The following NOP2 variants were observed in gnomAD, a reference collection of about 807,000 sequenced individuals.
NOP2 encodes the protein NOP2 nucleolar protein.
NOP2 carries 7 observed loss-of-function variants against 72.7 expected under a neutral mutation model. The observed-to-expected ratio is 0.10, with a 90% CI of 0.05 to 0.18. The LOEUF (loss-of-function observed/expected upper bound fraction) is 0.18. Ranked by LOEUF, NOP2 falls within the 10% of genes least tolerant of loss-of-function variation. The pLI, the probability that NOP2 is intolerant of heterozygous loss-of-function variation, is 1.00. For missense variants in NOP2, 954 were observed against 1,014.7 expected (o/e 0.94, Z 0.81); for synonymous variants, 387 against 388.0 (o/e 1.00, Z 0.03).
chr12:6,563,067 A>T lies in NOP2; in HGVS notation c.978+14T>A. 1 of 1,569,514 alleles carries T rather than the reference A, an allele frequency of 6.4e-7. No homozygotes were observed. The highest frequency in any genetic ancestry group is 8.6e-7 in the Non-Finnish European group (1 of 1,157,106). On this transcript the variant is annotated intron_variant, in intron 9 of 15. Coordinates refer to ENST00000322166, the MANE Select transcript of NOP2 (RefSeq NM_001258308.2). The stretch of plus-strand genomic sequence containing the variant: ...CCCTTCTGAGATGAGTGAGCCTCAA[A>T]GGCCACCCCTCACCTGTGCAAGGTC...
Position 6,557,194 on chromosome 12 carries a change from A to G in NOP2, c.2238T>C (p.His746=). 1.2e-6 allele frequency: 2 copies of G among 1,613,904 alleles called. No individual in the cohort carries two copies. The highest frequency in any genetic ancestry group is 1.7e-6 in the Non-Finnish European group (2 of 1,179,864). Residue 746 remains histidine, a synonymous_variant, in exon 16 of 16, where the codon CAT becomes CAC. Transcript: ENST00000322166. Reference sequence around the variant, plus strand: ...CCCCCTTGGCCCTTCCAAGGGGCTGATGATGGTCCTTAGGTTTCAGGGTGG... The same window carrying G: ...CCCCCTTGGCCCTTCCAAGGGGCTGGTGATGGTCCTTAGGTTTCAGGGTGG... The part of the protein sequence containing the change: ...TQATLKPKDH[H]QPLGRAKGVE...
rs1467581243 is a variant in NOP2, at chr12:6,558,646, G to A, written c.1790-1004C>T. On this transcript the variant is annotated intron_variant, in intron 15 of 15. Coordinates refer to ENST00000322166, the MANE Select transcript of NOP2 (RefSeq NM_001258308.2). The stretch of plus-strand genomic sequence containing the variant: ...TTTTTTTGAGGTAGAGTCTCACTGT[G>A]TTGCCCAGGCTGGAGTACAGTGGTG... Among the ~76,000 whole-genome samples, 5 of 145,210 alleles carry A rather than the reference G, an allele frequency of 3.4e-5. No homozygotes were observed. The East Asian group carries it at 8.0e-4, about 23-fold the overall frequency.
chr12:6,561,301 A>G (rs1947643356), intron 11 of NOP2, among the ~76,000 whole-genome samples: 1 of 152,226 alleles, frequency 6.6e-6, no homozygotes, highest in Admixed American at 6.5e-5. Flanking sequence ...GGTCCTACAT[A>G]CTAAATTACT....
chr12:6,562,278 A>G (rs1277492875), intron 9 of NOP2, among the ~76,000 whole-genome samples: 1 of 152,106 alleles, frequency 6.6e-6, no homozygotes, highest in Non-Finnish European at 1.5e-5. Context: ...GCGTTGAGTC[A>G]CCGCGCCCGG....
At chr12:6,566,863 G>A in intron 2 of NOP2, 41 bp from the exon 3 acceptor site, 1 of 1,539,466 alleles carries the variant, frequency 6.5e-7, no homozygotes. Context: ...AGTTACAGGG[G>A]ACATTAAAAA....
intron 15 of NOP2, 58 bp from the exon 16 acceptor site, chr12:6,557,700 TA>T: frequency 6.7e-7 from 1 of 1,485,050 alleles, no homozygotes; most frequent in Non-Finnish European, 9.0e-7. Context: ...CATATTTTAA[TA>T]TTCTCATATT....
intron 2 of NOP2, 162 bp downstream of exon 2, chr12:6,567,654 G>T: frequency 1.7e-6 from 1 of 592,688 alleles, no homozygotes; most frequent in South Asian, 2.2e-5. Context: ...GACCTAAACA[G>T]TTCCCTACAA....
At chr12:6,557,892 C>A in intron 15 of NOP2, 1 of 475,312 alleles carries the variant, frequency 2.1e-6, no homozygotes, top group Non-Finnish European at 3.7e-6. Flanking sequence ...CCTGTAATTC[C>A]AGCACTTTGG....
At chr12:6,566,897 G>C in intron 2 of NOP2, 75 bp from the exon 3 acceptor site, 1 of 1,234,752 alleles carries the variant, frequency 8.1e-7, no homozygotes, top group Non-Finnish European at 1.2e-6. Flanking sequence ...AAATAAACAT[G>C]GTAAGAGAAT....
rs760618344 is a variant in NOP2, at chr12:6,557,119, C to G, written c.2313G>C (p.Gln771His). The change falls in exon 16 of 16, where the codon CAG (glutamine) becomes CAC (histidine). Residue 771 changes from glutamine (Q) to histidine (H), a missense_variant. Gln to His is a conservative substitution (Grantham distance 24, BLOSUM62 0). Coordinates refer to ENST00000322166, the MANE Select transcript of NOP2 (RefSeq NM_001258308.2). ...PEQPFEKAAF[Q>H]KQNDTPKGPQ... ...GCCCCTTGGGGGTATCATTCTGTTT[C>G]TGGAAGGCAGCTTTCTCAAAAGGCT... The G allele has an allele frequency of 6.2e-7, 1 of 1,613,880 alleles. No homozygotes were observed.
rs368375855 is a variant in NOP2 at position 6,563,141 on chromosome 12, C to T, written c.918G>A (p.Val306=). ...ELVEFLEANE[V]PRPVTLRTNT... ...TGGTCCGGAGGGTGACGGGCCGAGG[C>T]ACCTCATTAGCTTCTAAGAACTCCA... Residue 306 remains valine, a synonymous_variant, in exon 9 of 16, where the codon GTG becomes GTA. Transcript: ENST00000322166. 1.9e-6 allele frequency: 3 copies of T among 1,596,854 alleles called. No individual in the cohort carries two copies. Among genetic ancestry groups the T allele is most frequent in the Non-Finnish European group, 2.6e-6 (3 of 1,171,964 alleles).
intron 15 of NOP2, chr12:6,557,918 G>A: frequency 2.3e-6 from 1 of 426,508 alleles, no homozygotes; most frequent in South Asian, 2.3e-5. Context: ...CAAGGCAAGT[G>A]GATTGCTTGA....
chr12:6,566,417 C>T, intron 4 of NOP2, 81 bp from the exon 5 acceptor site: 8 of 1,493,956 alleles, frequency 5.4e-6, no homozygotes, highest in Non-Finnish European at 7.4e-6. Flanking sequence ...CTTTCTACCC[C>T]TCAGAATGTC....
chr12:6,567,932 G>A lies in NOP2; in HGVS notation c.-4-10C>T, dbSNP rs757080207. On this transcript the variant is annotated splice_polypyrimidine_tract_variant and intron_variant, in intron 1 of 15. Transcript: ENST00000322166. ...CTTGCGCCCCATGGTACTGTGGCAG[G>A]CAGAAATGGGAGAAGGTGGCGTCGC... The A allele has an allele frequency of 1.0e-5, 16 of 1,604,722 alleles. No homozygotes were observed. Among genetic ancestry groups the A allele is most frequent in the Non-Finnish European group, 1.4e-5 (16 of 1,172,726 alleles).
In NOP2 at chr12:6,557,171, C is replaced by T; in HGVS notation, c.2261G>A (p.Gly754Glu). 1 of 1,614,004 alleles carries T rather than the reference C, an allele frequency of 6.2e-7. No homozygotes were observed. The highest frequency in any genetic ancestry group is 8.5e-7 in the Non-Finnish European group (1 of 1,179,894). Residue 754 changes from glycine to glutamate, a missense_variant, in exon 16 of 16, where the codon GGG (glycine) becomes GAG (glutamate). Physicochemically the swap from Gly to Glu is moderately conservative, Grantham distance 98. Around this residue, in one of 3 missense-constraint regions of NOP2, gnomAD observed 269 missense variants for 260.2 expected, o/e 1.03. Coordinates refer to ENST00000322166, the MANE Select transcript of NOP2 (RefSeq NM_001258308.2). ...CTCTGGCAACTGCTGCTTCTCAACC[C>T]CCTTGGCCCTTCCAAGGGGCTGATG... The part of the protein sequence containing the change: ...DHHQPLGRAK[G>E]VEKQQLPEQP...
chr12:6,557,491 G>A lies in NOP2; in HGVS notation c.1941C>T (p.Phe647=). Residue 647 remains phenylalanine, a synonymous_variant, in exon 16 of 16, where the codon TTC becomes TTT. Coordinates refer to ENST00000322166, the MANE Select transcript of NOP2 (RefSeq NM_001258308.2). ...QKQQHPKKAS[F]QKLNGISKGA... ...CTTTGGAGATGCCATTCAGCTTCTG[G>A]AAGGAGGCCTTCTTGGGATGTTGCT... The A allele has an allele frequency of 1.9e-6, 3 of 1,613,942 alleles. 1 individual carries two copies. In the South Asian group the frequency reaches 3.3e-5, roughly 18 times the overall value.
rs9804916 is a variant in NOP2 at position 6,560,007 on chromosome 12, T to C, written c.1789+91A>G. 2,603 of 948,466 alleles carry C rather than the reference T, an allele frequency of 2.7e-3. 32 individuals are homozygous for C. In the African/African-American group the frequency reaches 0.031, roughly 11 times the overall value. 58.8% of individuals were successfully genotyped at this position (948,466 alleles called of 1,614,324 possible). ...GGCTGGAGTAAGGGATGCATGAATC[T>C]TTCCTTTCCCTTCCTCTTGTCACAC... is the stretch of plus-strand genomic sequence containing the variant. On this transcript the variant is annotated intron_variant, in intron 15 of 15. Transcript: ENST00000322166. This position sits in a 1 kb window ranked among gnomAD's most constrained non-coding sequence, Gnocchi z 5.0.
Position 6,561,729 on chromosome 12 carries a change from G to A in NOP2, c.1142C>T (p.Ala381Val). ...ASSMLPVMAL[A>V]PQEHERILDM... is the part of the protein sequence containing the mutation. ...CAGGATCCGCTCATGTTCCTGGGGT[G>A]CCAAGGCCATGACGGGCAACATGCT... Residue 381 changes from alanine to valine, a missense_variant, in exon 11 of 16, where the codon GCA becomes GTA. Physicochemically the swap from Ala to Val is moderately conservative, Grantham distance 64. Transcript: ENST00000322166. 6.2e-7 allele frequency: 1 copy of A among 1,613,304 alleles called. No individual in the cohort carries two copies. Among genetic ancestry groups the A allele is most frequent in the South Asian group, 1.1e-5 (1 of 90,932 alleles).
chr12:6,565,666 G>A lies in NOP2; in HGVS notation c.474+435C>T, dbSNP rs899599276. On this transcript the variant is annotated intron_variant, in intron 5 of 15. Transcript: ENST00000322166. ...ATTTTTTAATTTTTTGTAGATACGG[G>A]ATCTCCCTATGTTGCCCAAGCTGGT... Among the ~76,000 whole-genome samples, 9 of 151,464 alleles carry A rather than the reference G, an allele frequency of 5.9e-5. No individual in the cohort carries two copies. The East Asian group carries it at 7.8e-4, about 13-fold the overall frequency.
Sources: gnomAD v4.1 joint callset for allele counts (sites outside exome capture counted in the v4.1 genomes callset) on GRCh38, gnomAD v4.1.1 for gene constraint, gnomAD v4.1.1 regional missense constraint, Gnocchi (gnomAD v3.1) non-coding constraint, MANE v1.5 for transcripts, NCBI Gene and HGNC (gene_info 2026-07-23, HGNC 2026-07-21) for gene names.